Variants in SPAG16 observed in about 807,000 individuals in gnomAD.
The protein encoded by SPAG16 is sperm-associated antigen 16 protein.
In SPAG16, 86 loss-of-function variants were observed where a neutral mutation model predicts 80.4. The ratio of observed to expected loss-of-function variants is 1.07; its 90% CI spans 0.90 to 1.28. SPAG16 has a LOEUF of 1.28. SPAG16 is among the 50% of genes most tolerant of loss of function. The pLI is 0.00. For synonymous variants in SPAG16, 294 were observed against 265.9 expected (o/e 1.11, Z -1.03); for missense variants, 870 against 765.3 (o/e 1.14, Z -1.61).
chr2:213,521,478 G>C (rs1281172469), intron 10 of SPAG16, among the ~76,000 whole-genome samples: 1 of 152,170 alleles, frequency 6.6e-6, no homozygotes, highest in Non-Finnish European at 1.5e-5. Context: ...TCTCCCCTGA[G>C]AGCTTTTGCT....
At chr2:213,351,570 A>G (rs1057503903) in intron 7 of SPAG16, among the ~76,000 whole-genome samples, 1 of 152,166 alleles carries the variant, frequency 6.6e-6, no homozygotes, top group East Asian at 1.9e-4. Context: ...CTTTAAAACC[A>G]TTTATCAGTT....
chr2:213,992,118 C>G lies in SPAG16; in HGVS notation c.1401-21833C>G, dbSNP rs146009884. Among the ~76,000 whole-genome samples the G allele has an allele frequency of 6.1e-3, 929 of 151,898 alleles. 5 individuals carry two copies. The highest frequency in any genetic ancestry group is 0.011 in the Admixed American group (169 of 15,230). ...CAAATTTTAATTTTTAGCCTAAAACCCAAGTCCACTTTGAAAATAAACACA... is the reference window on the plus strand; with the variant it reads ...CAAATTTTAATTTTTAGCCTAAAACGCAAGTCCACTTTGAAAATAAACACA... On this transcript the variant is annotated intron_variant, in intron 12 of 15. Transcript: ENST00000331683.
chr2:214,201,142 C>T lies in SPAG16; in HGVS notation c.1720+51876C>T, dbSNP rs745414192. 3.9e-4 allele frequency among the ~76,000 whole-genome samples: 59 copies of T among 152,188 alleles called. 1 individual carries two copies. Among genetic ancestry groups the T allele is most frequent in the South Asian group, 2.1e-3 (10 of 4,822 alleles). ...CTGTAAATGTCTCTTTTTCTAAAGA[C>T]GGAGCCAAATTTGTCTACAGGGCCA... On this transcript the variant is annotated intron_variant, in intron 15 of 15. Transcript: ENST00000331683.
chr2:213,980,171 C>T (rs1272875967), intron 12 of SPAG16, among the ~76,000 whole-genome samples: 1 of 147,582 alleles, frequency 6.8e-6, no homozygotes, highest in Non-Finnish European at 1.5e-5. Flanking sequence ...ATGGTGAAAC[C>T]CCGTCTCTAC....
chr2:213,833,455 T>TATATATAATA (rs2073804468), intron 10 of SPAG16, among the ~76,000 whole-genome samples: 53 of 2,158 alleles, frequency 0.025, 6 homozygotes, highest in Non-Finnish European at 0.039. Flanking sequence ...ATATATATAT[T>TATATATAATA]ATATATATAT....
At chr2:213,522,840 C>A (rs2075731522) in intron 10 of SPAG16, among the ~76,000 whole-genome samples, 1 of 148,002 alleles carries the variant, frequency 6.8e-6, no homozygotes. Flanking sequence ...ATATAACAAA[C>A]ATATATATAA....
intron 10 of SPAG16, among the ~76,000 whole-genome samples, chr2:213,748,017 T>C (rs1203368085): frequency 6.6e-6 from 1 of 152,224 alleles, no homozygotes; most frequent in Non-Finnish European, 1.5e-5. Context: ...TTATTGTTAA[T>C]AATACCCTTG....
At chr2:213,858,353 G>T (rs1008704724) in intron 10 of SPAG16, among the ~76,000 whole-genome samples, 2 of 152,158 alleles carry the variant, frequency 1.3e-5, no homozygotes, top group Non-Finnish European at 2.9e-5. Context: ...CCACAACTCT[G>T]ATTGGTCAGC....
chr2:213,675,687 G>T (rs972778841), intron 10 of SPAG16, among the ~76,000 whole-genome samples: 1 of 152,110 alleles, frequency 6.6e-6, no homozygotes, highest in African/African-American at 2.4e-5. Flanking sequence ...TCAAAGATCA[G>T]ATAGTTGTAG....
At chr2:213,911,399 C>A (rs1241543111) in intron 11 of SPAG16, among the ~76,000 whole-genome samples, 5 of 152,150 alleles carry the variant, frequency 3.3e-5, no homozygotes, top group Admixed American at 2.0e-4. Flanking sequence ...CCTGCCTTGG[C>A]CTCCCAAAAT....
intron 10 of SPAG16, among the ~76,000 whole-genome samples, chr2:213,640,450 G>A (rs2062543444): frequency 6.6e-6 from 1 of 152,110 alleles, no homozygotes; most frequent in Non-Finnish European, 1.5e-5. Flanking sequence ...CCCTTGATGT[G>A]GTGTTCTCCC....
chr2:213,565,034 A>C (rs755460525), intron 10 of SPAG16, among the ~76,000 whole-genome samples: 5 of 152,216 alleles, frequency 3.3e-5, no homozygotes, highest in Non-Finnish European at 5.9e-5. Flanking sequence ...TATTTATTTT[A>C]AACAAATTCA....
chr2:213,867,406 G>A (rs532395770), intron 11 of SPAG16, among the ~76,000 whole-genome samples: 3 of 152,314 alleles, frequency 2.0e-5, no homozygotes, highest in African/African-American at 7.2e-5. Flanking sequence ...CAAGGTAGAG[G>A]TCATACGAGT....
Position 213,875,344 on chromosome 2 carries a change from A to G in SPAG16, c.1214+12716A>G, listed in dbSNP as rs563109018. ...ATTAAGATAAGTTTAGAGTCCATCA[A>G]AGAGGTTCCAGGAAGCAAGAGATGA... On this transcript the variant is annotated intron_variant, in intron 11 of 15. Coordinates refer to ENST00000331683, the MANE Select transcript of SPAG16 (RefSeq NM_024532.5). Among the ~76,000 whole-genome samples the G allele has an allele frequency of 5.9e-5, 9 of 152,242 alleles. No homozygotes were observed. In the South Asian group the frequency reaches 1.7e-3, roughly 28 times the overall value.
At chr2:213,831,413 GTT>G (rs34179061) in intron 10 of SPAG16, among the ~76,000 whole-genome samples, 36,717 of 147,892 alleles carry the variant, frequency 0.25, 5,045 homozygotes, top group South Asian at 0.38. Context: ...TAATTCAGGT[GTT>G]TTTTTTTTTT....
chr2:213,429,717 C>T (rs1443065034), intron 9 of SPAG16, among the ~76,000 whole-genome samples: 1 of 152,172 alleles, frequency 6.6e-6, no homozygotes, highest in Non-Finnish European at 1.5e-5. Context: ...AAGCTACCAC[C>T]CTAAGGCTAT....
chr2:214,074,830 A>G (rs941572007), intron 13 of SPAG16, among the ~76,000 whole-genome samples: 1 of 152,204 alleles, frequency 6.6e-6, no homozygotes, highest in African/African-American at 2.4e-5. Flanking sequence ...TGAAAACACA[A>G]TGAGATACCA....
chr2:214,357,075 TC>T (rs1698859051), intron 15 of SPAG16, among the ~76,000 whole-genome samples: 1 of 151,898 alleles, frequency 6.6e-6, no homozygotes, highest in African/African-American at 2.4e-5. Flanking sequence ...GTCTTCTGGC[TC>T]CCACTCTTAT....
chr2:214,121,309 G>A (rs1454860366), intron 14 of SPAG16, among the ~76,000 whole-genome samples: 2 of 151,678 alleles, frequency 1.3e-5, no homozygotes, highest in Non-Finnish European at 3.0e-5. Context: ...AACTTGATTA[G>A]GCTTCCAAAT....
Sources: allele counts gnomAD v4.1 joint callset (sites outside exome capture counted in the v4.1 genomes callset), GRCh38; gene constraint gnomAD v4.1.1; transcripts MANE v1.5; gene names NCBI Gene and HGNC (gene_info 2026-07-23, HGNC 2026-07-21).